The following EFHC2 variants were observed in gnomAD, a reference collection of about 807,000 sequenced individuals.
EFHC2 encodes the protein EF-hand domain-containing family member C2.
EFHC2 carries 18 observed loss-of-function variants against 52.7 expected under a neutral mutation model. That is an observed-to-expected ratio of 0.34 (90% confidence interval 0.24 to 0.51). The LOEUF is 0.51. Ranked by LOEUF, EFHC2 falls within the 20% of genes least tolerant of loss-of-function variation. EFHC2 has a pLI of 0.97. For synonymous variants in EFHC2, 203 were observed against 204.1 expected, an observed-to-expected ratio of 0.99 and a Z score of 0.04; for missense variants, 513 against 562.5, an observed-to-expected ratio of 0.91 and a Z score of 0.89.
intron 11 of EFHC2, among the ~76,000 whole-genome samples, chrX:44,201,457 G>A (rs1387799326): frequency 7.2e-5 from 8 of 110,702 alleles, no homozygotes; most frequent in Non-Finnish European, 1.3e-4. Context: ...TTAAAATTTG[G>A]TTGTTTAAAA....
At chrX:44,178,646 A>C (rs2036810196) in intron 11 of EFHC2, 82 bp from the exon 12 acceptor site, 1 of 849,008 alleles carries the variant, frequency 1.2e-6, no homozygotes, top group Non-Finnish European at 1.6e-6. Context: ...AAAAGATCCA[A>C]ATTCCATTTT....
At chrX:44,195,276 G>A (rs958700640) in intron 11 of EFHC2, among the ~76,000 whole-genome samples, 1 of 111,329 alleles carries the variant, frequency 9.0e-6, no homozygotes, top group Admixed American at 9.6e-5. Context: ...CCATGAGAAC[G>A]ACATACTTGG....
At chrX:44,205,892 T>C (rs1266088111) in intron 11 of EFHC2, among the ~76,000 whole-genome samples, 1 of 111,715 alleles carries the variant, frequency 9.0e-6, no homozygotes, top group East Asian at 2.8e-4. Context: ...AATAGACATC[T>C]ACAGAATACT....
chrX:44,194,629 T>C (rs755461688), intron 11 of EFHC2, among the ~76,000 whole-genome samples: 2 of 111,810 alleles, frequency 1.8e-5, no homozygotes, highest in East Asian at 5.6e-4. Flanking sequence ...GTAAATATGC[T>C]CACCTAGTAA....
At chrX:44,177,308 T>TA (rs749036479) in intron 12 of EFHC2, among the ~76,000 whole-genome samples, 4 of 111,678 alleles carry the variant, frequency 3.6e-5, no homozygotes, top group East Asian at 5.6e-4. Flanking sequence ...TATGGATTAA[T>TA]AAAAAAAATG....
chrX:44,200,041 T>A (rs1305836198), intron 11 of EFHC2, among the ~76,000 whole-genome samples: 1 of 111,496 alleles, frequency 9.0e-6, no homozygotes, highest in Non-Finnish European at 1.9e-5. Flanking sequence ...ATTGGTAAAA[T>A]TCAAATGAAG....
chrX:44,170,799 A>T (rs1273760618), intron 13 of EFHC2, among the ~76,000 whole-genome samples: 2 of 111,829 alleles, frequency 1.8e-5, no homozygotes, highest in Non-Finnish European at 1.9e-5. Context: ...AAGGACAAAG[A>T]TTTGCCACTC....
chrX:44,207,638 C>A (rs2037058874), intron 11 of EFHC2, among the ~76,000 whole-genome samples: 1 of 112,131 alleles, frequency 8.9e-6, no homozygotes, highest in African/African-American at 3.2e-5. Context: ...GTAACAAAAC[C>A]AAAAATTGAC....
chrX:44,339,519 T>A (rs1199298312), intron 1 of EFHC2, among the ~76,000 whole-genome samples: 1 of 110,958 alleles, frequency 9.0e-6, no homozygotes, highest in Non-Finnish European at 1.9e-5. Context: ...GGCACCATAC[T>A]TCTTGTATTT....
At chrX:44,233,847 G>A (rs770795584) in intron 9 of EFHC2, among the ~76,000 whole-genome samples, 2 of 111,596 alleles carry the variant, frequency 1.8e-5, no homozygotes, top group Non-Finnish European at 3.8e-5. Context: ...ACAGGCTGCT[G>A]CCAACAGATG....
rs1602130028 is a variant in EFHC2, at chrX:44,166,305, G to A, written c.2043-2278C>T. On this transcript the variant is annotated intron_variant, in intron 13 of 14. Transcript: ENST00000420999. ...TATTTTGAATGTAGGATTCCTAAAA[G>A]ACTATATATATTATGTAAGAGAGAG... Among the ~76,000 whole-genome samples, 3 of 111,073 alleles carry A rather than the reference G, an allele frequency of 2.7e-5. No individual in the cohort carries two copies. In the South Asian group the frequency reaches 1.2e-3, roughly 43 times the overall value.
chrX:44,212,237 T>A (rs938015489), intron 11 of EFHC2, among the ~76,000 whole-genome samples: 4 of 110,943 alleles, frequency 3.6e-5, no homozygotes, highest in African/African-American at 9.8e-5. Flanking sequence ...ACAAAAAAAA[T>A]TTTAATGCCT....
chrX:44,312,155 A>G (rs2037952080), intron 2 of EFHC2, among the ~76,000 whole-genome samples: 1 of 112,396 alleles, frequency 8.9e-6, no homozygotes, highest in South Asian at 3.7e-4. Flanking sequence ...CTTAGGAGGA[A>G]TACGTTTAAG....
chrX:44,342,675 G>A (rs748319856), intron 1 of EFHC2, among the ~76,000 whole-genome samples: 16 of 109,997 alleles, frequency 1.5e-4, no homozygotes, highest in Non-Finnish European at 2.7e-4. Flanking sequence ...TCAGGAGTCC[G>A]AGGCCAGCCT....
chrX:44,314,747 A>C (rs1484820530), intron 1 of EFHC2, among the ~76,000 whole-genome samples: 1 of 111,901 alleles, frequency 8.9e-6, no homozygotes, highest in Non-Finnish European at 1.9e-5. Flanking sequence ...AGAATTCAAT[A>C]ATGATATACT....
chrX:44,163,786 C>T (rs1384844791), intron 14 of EFHC2, 136 bp downstream of exon 14: 16 of 468,857 alleles, frequency 3.4e-5, no homozygotes, highest in Middle Eastern at 6.4e-4. Flanking sequence ...AACACAAATG[C>T]CCAGAAACAC....
intron 2 of EFHC2, among the ~76,000 whole-genome samples, chrX:44,275,771 G>A (rs1009462025): frequency 2.8e-5 from 3 of 108,327 alleles, no homozygotes; most frequent in African/African-American, 6.7e-5. Flanking sequence ...AAAATTAGCC[G>A]TGCGTGCTGG....
intron 2 of EFHC2, among the ~76,000 whole-genome samples, chrX:44,295,925 T>C (rs1192423708): frequency 8.9e-6 from 1 of 111,843 alleles, no homozygotes; most frequent in African/African-American, 3.3e-5. Context: ...TCCTGTTTCA[T>C]CTTCACTTAG....
chrX:44,331,695 T>A (rs2147397046), intron 1 of EFHC2, among the ~76,000 whole-genome samples: 1 of 111,613 alleles, frequency 9.0e-6, no homozygotes, highest in South Asian at 3.8e-4. Flanking sequence ...GGCAGACAAA[T>A]CGCTTGAGTC....
Sources: gnomAD v4.1 joint callset for allele counts (sites outside exome capture counted in the v4.1 genomes callset) on GRCh38, gnomAD v4.1.1 for gene constraint, MANE v1.5 for transcripts, NCBI Gene and HGNC (gene_info 2026-07-23, HGNC 2026-07-21) for gene names.